DNA2: variants seen among roughly 807,000 people sequenced by gnomAD.
DNA2 encodes the protein DNA replication ATP-dependent helicase/nuclease DNA2.
Under a neutral mutation model 119.1 loss-of-function variants are expected in DNA2, and 101 were observed. The observed-to-expected ratio is 0.85, with a 90% CI of 0.72 to 1.00. The LOEUF (loss-of-function observed/expected upper bound fraction) is 1.00. Among genes scored for constraint, DNA2 ranks in the 50% least tolerant of loss-of-function variants. DNA2 has a pLI of 0.00. For synonymous variants in DNA2, 366 were observed against 424.4 expected (o/e 0.86, Z 1.69); for missense variants, 1,121 against 1,255.5 (o/e 0.89, Z 1.62).
In DNA2 at chr10:68,422,301, G is replaced by A. The variant is rs866536175; in HGVS notation, c.2621C>T (p.Ala874Val). 6.8e-6 allele frequency: 11 copies of A among 1,613,678 alleles called. No individual in the cohort carries two copies. In the African/African-American group the frequency reaches 1.1e-4, roughly 16 times the overall value. Reference sequence around the variant, plus strand: ...CAACCAAGGATTATCAGAATAGTCAGCATAAAATTCCAGTTCCAGCTTCAC... The same window carrying A: ...CAACCAAGGATTATCAGAATAGTCAACATAAAATTCCAGTTCCAGCTTCAC... ...KDVKLELEFY[A>V]DYSDNPWLMG... The change falls in exon 17 of 21, where the codon GCT becomes GTT. Residue 874 changes from alanine (A) to valine (V), a missense_variant. Physicochemically the swap from Ala to Val is moderately conservative, Grantham distance 64. Coordinates refer to ENST00000358410, the MANE Select transcript of DNA2 (RefSeq NM_001080449.3).
At chr10:68,459,639 T>C (rs1030783201) in intron 4 of DNA2, among the ~76,000 whole-genome samples, 4 of 152,096 alleles carry the variant, frequency 2.6e-5, no homozygotes, top group African/African-American at 9.7e-5. Flanking sequence ...GGCACAAAGC[T>C]TCAGTTTGGG....
At position 68,443,044 on chromosome 10, in the gene DNA2, T is replaced by C. The variant is rs2051991658; in HGVS notation, c.1288A>G (p.Thr430Ala). 6.3e-7 allele frequency: 1 copy of C among 1,598,174 alleles called. No homozygotes were observed. Among genetic ancestry groups the C allele is most frequent in the Non-Finnish European group, 8.5e-7 (1 of 1,171,432 alleles). ...AAGTGTGTTTGCTTCAGATGCTGGG[T>C]TTCTTCTTCTATTTTGGGCAGCATC... is the stretch of plus-strand genomic sequence containing the variant. ...IVMLPKIEEE[T>A]QHLKQTHLEY... Residue 430 changes from threonine to alanine, a missense_variant, in exon 9 of 21, where the codon ACC (threonine) becomes GCC (alanine). Physicochemically the swap from Thr to Ala is moderately conservative, Grantham distance 58. Transcript: ENST00000358410.
chr10:68,462,678 C>A (rs1174891049), intron 4 of DNA2, among the ~76,000 whole-genome samples: 1 of 152,076 alleles, frequency 6.6e-6, no homozygotes, highest in Non-Finnish European at 1.5e-5. Context: ...AGGTTTGAAT[C>A]CTAACTCTGC....
chr10:68,423,228 G>A (rs2051689964), intron 14 of DNA2, among the ~76,000 whole-genome samples: 1 of 151,550 alleles, frequency 6.6e-6, no homozygotes, highest in East Asian at 1.9e-4. Context: ...CTGGGAAGAT[G>A]GAGTACTTTT....
intron 4 of DNA2, among the ~76,000 whole-genome samples, chr10:68,464,775 C>G (rs10998203): frequency 0.31 from 43,139 of 139,024 alleles, 7,138 homozygotes; most frequent in African/African-American, 0.45. Context: ...GTTGTGGTGA[C>G]CTGAGATCAC....
chr10:68,424,534 A>AG, intron 14 of DNA2: 2 of 735,314 alleles, frequency 2.7e-6, no homozygotes, highest in South Asian at 2.7e-5. Context: ...AACAGGCCTG[A>AG]GGCCGCCGCT....
rs761253009 is a variant in DNA2 at position 68,443,059 on chromosome 10, T to A, written c.1273A>T (p.Lys425Ter). The change falls in exon 9 of 21, where the codon AAA becomes TAA. Residue 425 changes from lysine to a stop codon, truncating the protein, a stop_gained. Transcript: ENST00000358410. LOFTEE classifies it high-confidence loss of function. ...AGATGCTGGGTTTCTTCTTCTATTT[T>A]GGGCAGCATCACAATTGGGACTGAA... ...CSSVPIVMLPKIEEETQHLKQ... is the reference protein window; with the variant it reads ...CSSVPIVMLP 47 of 1,590,790 alleles carry A rather than the reference T, an allele frequency of 3.0e-5. No homozygotes were observed.
chr10:68,415,217 A>G lies in DNA2; in HGVS notation c.3115-110T>C. ...ACTTACAGGACCACAAAAAAAAAAT[A>G]AGGATCTTTATGGCATTCAATGAAT... On this transcript the variant is annotated intron_variant, in intron 20 of 20. Transcript: ENST00000358410. 4.7e-6 allele frequency: 3 copies of G among 636,520 alleles called. No homozygotes were observed. The South Asian group carries it at 7.0e-5, about 15-fold the overall frequency. 39.4% of individuals were successfully genotyped at this position (636,520 alleles called of 1,614,324 possible).
chr10:68,470,190 T>C (rs1438631589), intron 1 of DNA2, 27 bp from the exon 2 acceptor site: 1 of 1,553,882 alleles, frequency 6.4e-7, no homozygotes, highest in East Asian at 2.3e-5. Context: ...CAAAACTATT[T>C]TAGCACAACC....
At chr10:68,439,519 C>T (rs944706371) in intron 9 of DNA2, among the ~76,000 whole-genome samples, 5 of 151,838 alleles carry the variant, frequency 3.3e-5, no homozygotes, top group African/African-American at 9.7e-5. Flanking sequence ...CTGGCTAACA[C>T]GGTGAAACCC....
chr10:68,461,189 A>G (rs971061889), intron 4 of DNA2, among the ~76,000 whole-genome samples: 2 of 152,168 alleles, frequency 1.3e-5, no homozygotes, highest in Non-Finnish European at 2.9e-5. Context: ...GAAACAAAAA[A>G]ACTAAGTCTC....
intron 6 of DNA2, 49 bp from the exon 7 acceptor site, chr10:68,446,462 T>C: frequency 8.9e-7 from 1 of 1,126,516 alleles, no homozygotes; most frequent in Non-Finnish European, 1.3e-6. Flanking sequence ...CTTCTTGTAT[T>C]TCCTTACATT....
intron 4 of DNA2, among the ~76,000 whole-genome samples, chr10:68,460,341 T>C (rs1018192544): frequency 1.3e-5 from 2 of 151,916 alleles, no homozygotes; most frequent in Admixed American, 6.6e-5. Flanking sequence ...ACTCCTGGGC[T>C]CAAGCAATCT....
chr10:68,425,165 G>A (rs1333684563), intron 14 of DNA2, among the ~76,000 whole-genome samples: 2 of 143,286 alleles, frequency 1.4e-5, no homozygotes, highest in African/African-American at 2.6e-5. Context: ...CATTATCTCG[G>A]CTCACTGCAA....
At chr10:68,433,154 T>C (rs1274819801) in intron 10 of DNA2, among the ~76,000 whole-genome samples, 1 of 152,214 alleles carries the variant, frequency 6.6e-6, no homozygotes, top group African/African-American at 2.4e-5. Flanking sequence ...TCATCCCTGC[T>C]GAACCTGATG....
intron 4 of DNA2, among the ~76,000 whole-genome samples, chr10:68,463,983 A>G (rs1472829415): frequency 6.6e-6 from 1 of 152,178 alleles, no homozygotes. Flanking sequence ...GAGAAGCTGA[A>G]ATTCCTCAAG....
chr10:68,435,432 T>A (rs1590057023), intron 10 of DNA2, among the ~76,000 whole-genome samples: 1 of 151,350 alleles, frequency 6.6e-6, no homozygotes, highest in South Asian at 2.1e-4. Context: ...TAAATAAAAA[T>A]ATTAATAGTA....
intron 7 of DNA2, among the ~76,000 whole-genome samples, chr10:68,445,467 AAAAT>A: frequency 6.6e-6 from 1 of 152,240 alleles, no homozygotes; most frequent in South Asian, 2.1e-4. Context: ...CGGTCTCAAA[AAAAT>A]AAATAAATAA....
In DNA2 at chr10:68,465,877, C is replaced by T. The variant is rs549938418; in HGVS notation, c.442-65G>A. On this transcript the variant is annotated intron_variant, in intron 3 of 20. Transcript: ENST00000358410. ...AACAGACACAATTGTATATTTATTA[C>T]CTAATCTATTAAACCACCATAGCCA... 1.8e-4 allele frequency: 238 copies of T among 1,320,808 alleles called. 1 individual carries two copies. The highest frequency in any genetic ancestry group is 2.3e-4 in the Non-Finnish European group (232 of 1,017,790). The allele number at this position is 1,320,808 out of a possible 1,614,324, so 81.8% of individuals were successfully genotyped here.
Sources: allele counts gnomAD v4.1 joint callset (sites outside exome capture counted in the v4.1 genomes callset), GRCh38; gene constraint gnomAD v4.1.1; transcripts MANE v1.5; gene names NCBI Gene and HGNC (gene_info 2026-07-23, HGNC 2026-07-21).